The following SCN9A variants were observed in gnomAD, a reference collection of about 807,000 sequenced individuals.
SCN9A encodes sodium channel protein type 9 subunit alpha.
In SCN9A, 131 loss-of-function variants were observed where a neutral mutation model predicts 187.0. The observed-to-expected ratio is 0.70, with a 90% CI of 0.61 to 0.81. The LOEUF is 0.81. SCN9A is among the 30% of genes least tolerant of loss of function. The pLI is 0.00. For synonymous variants in SCN9A, 809 were observed against 808.6 expected, an observed-to-expected ratio of 1.00 and a Z score of -0.01; for missense variants, 2,252 against 2,396.6, an observed-to-expected ratio of 0.94 and a Z score of 1.26.
At chr2:166,208,668 T>C (rs1558949272) in intron 24 of SCN9A, among the ~76,000 whole-genome samples, 4 of 152,168 alleles carry the variant, frequency 2.6e-5, no homozygotes, top group Non-Finnish European at 5.9e-5. Context: ...AAAGTACTTA[T>C]GAGGATGATG....
In SCN9A at chr2:166,199,442, G is replaced by T. The variant is rs751682235; in HGVS notation, c.5197C>A (p.Pro1733Thr). 2.5e-6 allele frequency: 4 copies of T among 1,614,116 alleles called. No homozygotes were observed. Among genetic ancestry groups the T allele is most frequent in the East Asian group, 2.2e-5 (1 of 44,884 alleles). Reference protein sequence around the residue: ...GSSVEGDCGNPSVGIFYFVSY... With the variant: ...GSSVEGDCGNTSVGIFYFVSY... ...ACAAAGTAGAATATTCCAACAGATG[G>T]GTTACCACAGTCTCCTTCAACTGAA... is the stretch of plus-strand genomic sequence containing the variant. The change falls in exon 27 of 27, where the codon CCA becomes ACA. Residue 1733 changes from proline (P) to threonine (T), a missense_variant. By Grantham distance (38) the Pro-to-Thr change is conservative. Transcript: ENST00000642356.
chr2:166,244,509 A>G (rs965033413), intron 18 of SCN9A, among the ~76,000 whole-genome samples: 1 of 152,200 alleles, frequency 6.6e-6, no homozygotes, highest in South Asian at 2.1e-4. Context: ...ATACTAAGAC[A>G]TATCACTTCC....
At chr2:166,270,090 T>C (rs1018253865) in intron 17 of SCN9A, among the ~76,000 whole-genome samples, 1 of 152,012 alleles carries the variant, frequency 6.6e-6, no homozygotes, top group Non-Finnish European at 1.5e-5. Flanking sequence ...ATTTTGGGAG[T>C]ATTACTTCTT....
intron 24 of SCN9A, among the ~76,000 whole-genome samples, chr2:166,225,910 T>A (rs1039669538): frequency 6.6e-6 from 1 of 152,182 alleles, no homozygotes; most frequent in East Asian, 1.9e-4. Flanking sequence ...AACATGGACC[T>A]GCTGACACTT....
rs542774236 is a variant in SCN9A, at chr2:166,351,108, A to G, written c.-51+24589T>C. ...ACATTCATATCTAAGTTTTAAAAAA[A>G]TCTGATTTGGCGACACAAAGGCTTC... On this transcript the variant is annotated intron_variant, in intron 1 of 26. Transcript: ENST00000642356. Among the ~76,000 whole-genome samples, 7 of 152,274 alleles carry G rather than the reference A, an allele frequency of 4.6e-5. No individual in the cohort carries two copies. The South Asian group carries it at 1.2e-3, about 27-fold the overall frequency.
At chr2:166,353,389 A>T (rs751813574) in intron 1 of SCN9A, among the ~76,000 whole-genome samples, 13 of 152,218 alleles carry the variant, frequency 8.5e-5, no homozygotes, top group Non-Finnish European at 1.5e-4. Context: ...GACTAAAAAA[A>T]AATTATAATC....
chr2:166,284,375 G>C (rs1304990604), intron 12 of SCN9A, 78 bp downstream of exon 12: 2 of 1,506,900 alleles, frequency 1.3e-6, no homozygotes, highest in African/African-American at 2.8e-5. Context: ...CAAGACCAGA[G>C]AAGGCCCTTC....
chr2:166,361,857 A>T (rs1700293887), intron 1 of SCN9A, among the ~76,000 whole-genome samples: 1 of 152,098 alleles, frequency 6.6e-6, no homozygotes, highest in Admixed American at 6.5e-5. Context: ...TTTCATTAGC[A>T]GCGGATGCTC....
At chr2:166,211,201 T>C (rs2106359072) in intron 24 of SCN9A, among the ~76,000 whole-genome samples, 1 of 152,270 alleles carries the variant, frequency 6.6e-6, no homozygotes, top group East Asian at 1.9e-4. Context: ...AGCAGATTTC[T>C]CAGTGGAAAC....
intron 19 of SCN9A, among the ~76,000 whole-genome samples, chr2:166,240,765 C>T (rs1395432299): frequency 6.6e-6 from 1 of 152,044 alleles, no homozygotes; most frequent in Non-Finnish European, 1.5e-5. Flanking sequence ...GCCAAGAATG[C>T]CAGGCTCTGC....
At chr2:166,313,550 C>G (rs1341042783) in intron 1 of SCN9A, among the ~76,000 whole-genome samples, 1 of 152,130 alleles carries the variant, frequency 6.6e-6, no homozygotes, top group African/African-American at 2.4e-5. Flanking sequence ...GCTTCTTCAC[C>G]TCTCAGCCTT....
chr2:166,259,010 G>T (rs1006237693), intron 17 of SCN9A, among the ~76,000 whole-genome samples: 26 of 151,534 alleles, frequency 1.7e-4, no homozygotes, highest in African/African-American at 4.8e-4. Flanking sequence ...GCACATGAAG[G>T]TTACATCAAG....
chr2:166,214,080 G>A (rs1488084707), intron 24 of SCN9A, among the ~76,000 whole-genome samples: 7 of 152,114 alleles, frequency 4.6e-5, no homozygotes, highest in African/African-American at 9.7e-5. Flanking sequence ...AGAGTGTAAA[G>A]AGAGAAGAGA....
intron 2 of SCN9A, among the ~76,000 whole-genome samples, chr2:166,307,575 G>A (rs1234574838): frequency 5.9e-5 from 9 of 152,116 alleles, no homozygotes; most frequent in Non-Finnish European, 1.2e-4. Flanking sequence ...TTGAAGGAAC[G>A]TCAGAGTTGG....
At chr2:166,209,131 G>C (rs1396813728) in intron 24 of SCN9A, among the ~76,000 whole-genome samples, 1 of 152,216 alleles carries the variant, frequency 6.6e-6, no homozygotes, top group Non-Finnish European at 1.5e-5. Flanking sequence ...TAGCCAGGCT[G>C]ACTGGCAAAG....
In SCN9A at chr2:166,303,236, G is replaced by A. The variant is rs1261318961; in HGVS notation, c.755C>T (p.Thr252Ile). The stretch of plus-strand genomic sequence containing the variant: ...TGCAAACACACTCAGACAGAACACA[G>A]TCAGGATCATGACATCAGAAAGCTT... ...VKKLSDVMIL[T>I]VFCLSVFALI... Residue 252 changes from threonine (T) to isoleucine (I), a missense_variant, in exon 7 of 27, where the codon ACT becomes ATT. Physicochemically the swap from Thr to Ile is moderately conservative, Grantham distance 89 (BLOSUM62 -1). Transcript: ENST00000642356. 1 of 1,613,686 alleles carries A rather than the reference G, an allele frequency of 6.2e-7. No homozygotes were observed.
intron 18 of SCN9A, chr2:166,249,257 T>C (rs1695930506): frequency 6.6e-6 from 1 of 152,140 alleles, no homozygotes; most frequent in Non-Finnish European, 1.5e-5. Flanking sequence ...CTCTTTTCCA[T>C]ATACCTTCTC....
intron 17 of SCN9A, among the ~76,000 whole-genome samples, chr2:166,262,988 G>T (rs1291860923): frequency 2.0e-5 from 3 of 151,960 alleles, no homozygotes; most frequent in Non-Finnish European, 4.4e-5. Context: ...GCTGCCAAAA[G>T]TGTTGGATGC....
chr2:166,299,841 G>C (rs917320309), intron 7 of SCN9A, among the ~76,000 whole-genome samples: 1 of 150,684 alleles, frequency 6.6e-6, no homozygotes, highest in Non-Finnish European at 1.5e-5. Flanking sequence ...CTAGCTAATA[G>C]TGACCTTCCT....
Sources: allele counts gnomAD v4.1 joint callset (sites outside exome capture counted in the v4.1 genomes callset), GRCh38; gene constraint gnomAD v4.1.1; transcripts MANE v1.5; gene names NCBI Gene and HGNC (gene_info 2026-07-23, HGNC 2026-07-21).